NUFIP1: variants seen among roughly 807,000 people sequenced by gnomAD.
NUFIP1 encodes FMR1-interacting protein NUFIP1.
A neutral mutation model predicts 56.2 loss-of-function variants in NUFIP1; 38 were observed. That is an observed-to-expected ratio of 0.68 (90% CI 0.52 to 0.89). The LOEUF (loss-of-function observed/expected upper bound fraction) is 0.89. NUFIP1 is among the 40% of genes least tolerant of loss of function. NUFIP1 has a pLI of 0.00. For synonymous variants in NUFIP1, 215 were observed against 212.4 expected, an observed-to-expected ratio of 1.01 and a Z score of -0.10; for missense variants, 567 against 605.8, an observed-to-expected ratio of 0.94 and a Z score of 0.67.
At chr13:44,960,861 G>A (rs761873702) in intron 6 of NUFIP1, among the ~76,000 whole-genome samples, 7 of 151,924 alleles carry the variant, frequency 4.6e-5, no homozygotes, top group Non-Finnish European at 7.4e-5. Flanking sequence ...TCAGGAGTTC[G>A]AAACCATCCT....
intron 1 of NUFIP1, among the ~76,000 whole-genome samples, chr13:44,984,064 C>A (rs549476594): frequency 6.6e-6 from 1 of 152,264 alleles, no homozygotes; most frequent in South Asian, 2.1e-4. Flanking sequence ...CCTACCCTTC[C>A]CCATACCTTT....
At chr13:44,975,816 A>G (rs1478273575) in intron 5 of NUFIP1, among the ~76,000 whole-genome samples, 1 of 152,228 alleles carries the variant, frequency 6.6e-6, no homozygotes. Flanking sequence ...AAAAGAGTAA[A>G]GTTGGTTACC....
In NUFIP1 at chr13:44,988,730, AC is replaced by A. The variant is rs538434639; in HGVS notation, c.412+294del. Reference sequence around the variant, plus strand: ...CATTCTAGTCAGACATATTTTGAGAACAAAGGATTTACAATATTATATAAAC... The same window carrying A: ...CATTCTAGTCAGACATATTTTGAGAAAAAGGATTTACAATATTATATAAAC... On this transcript the variant is annotated intron_variant, in intron 1 of 9. Transcript: ENST00000379161. Among the ~76,000 whole-genome samples the A allele has an allele frequency of 2.6e-5, 4 of 152,352 alleles. No homozygotes were observed. In the East Asian group the frequency reaches 7.7e-4, roughly 29 times the overall value.
chr13:44,942,963 C>G (rs1335533819), intron 9 of NUFIP1, among the ~76,000 whole-genome samples: 9 of 138,252 alleles, frequency 6.5e-5, no homozygotes, highest in Non-Finnish European at 1.1e-4. Context: ...AAGACCTCAA[C>G]TCTTAAAAAA....
At chr13:44,967,999 C>A (rs1750788616) in intron 5 of NUFIP1, among the ~76,000 whole-genome samples, 1 of 151,624 alleles carries the variant, frequency 6.6e-6, no homozygotes, top group Non-Finnish European at 1.5e-5. Flanking sequence ...TTGAATAGCA[C>A]AGACAATATA....
intron 6 of NUFIP1, among the ~76,000 whole-genome samples, chr13:44,963,839 T>C (rs1871505649): frequency 6.6e-6 from 1 of 152,242 alleles, no homozygotes; most frequent in Admixed American, 6.5e-5. Flanking sequence ...TAAAGCTATG[T>C]TCTAGACACA....
rs1872093443 is a variant in NUFIP1, at chr13:44,979,176, T to C, written c.734+14A>G. The C allele has an allele frequency of 1.9e-6, 3 of 1,598,792 alleles. No homozygotes were observed. Among genetic ancestry groups the C allele is most frequent in the Non-Finnish European group, 2.6e-6 (3 of 1,168,718 alleles). ...AGTAAAACAGTTATTTCACCAGTTC[T>C]GAACTCTACTCACTTCCTTCTTTCT... is the stretch of plus-strand genomic sequence containing the variant. On this transcript the variant is annotated intron_variant, in intron 5 of 9. Transcript: ENST00000379161.
chr13:44,979,737 T>C (rs538092865), intron 4 of NUFIP1, among the ~76,000 whole-genome samples, 153 bp downstream of exon 4: 147 of 152,208 alleles, frequency 9.7e-4, no homozygotes, highest in Non-Finnish European at 1.9e-3. Context: ...CATAGTTGTT[T>C]GTGAGGAAAA....
At chr13:44,975,173 G>C (rs1871928384) in intron 5 of NUFIP1, among the ~76,000 whole-genome samples, 1 of 151,990 alleles carries the variant, frequency 6.6e-6, no homozygotes, top group African/African-American at 2.4e-5. Context: ...AAGGGCTCAA[G>C]GTTCAATATT....
At chr13:44,979,603 T>C (rs1231901899) in intron 4 of NUFIP1, among the ~76,000 whole-genome samples, 1 of 152,196 alleles carries the variant, frequency 6.6e-6, no homozygotes, top group Admixed American at 6.5e-5. Flanking sequence ...TGACAATCTG[T>C]AGCAGCATGG....
intron 5 of NUFIP1, among the ~76,000 whole-genome samples, chr13:44,970,108 A>T (rs903904102): frequency 2.6e-5 from 4 of 152,220 alleles, no homozygotes; most frequent in Admixed American, 6.5e-5. Flanking sequence ...CTGTTTCTAT[A>T]ATAAAAGCAA....
intron 1 of NUFIP1, 131 bp from the exon 2 acceptor site, chr13:44,982,285 C>A (rs1251817190): frequency 3.3e-5 from 13 of 391,570 alleles, no homozygotes; most frequent in Non-Finnish European, 4.4e-5. Context: ...AGGAAGAATA[C>A]TAGTTCAAAC....
At chr13:44,964,595 G>C (rs1266968279) in intron 6 of NUFIP1, among the ~76,000 whole-genome samples, 16 of 152,296 alleles carry the variant, frequency 1.1e-4, no homozygotes, top group Admixed American at 1.0e-3. Flanking sequence ...GCTTCAGGAT[G>C]TACCTGAGAG....
At chr13:44,941,575 G>A (rs977852871) in intron 9 of NUFIP1, among the ~76,000 whole-genome samples, 2 of 152,096 alleles carry the variant, frequency 1.3e-5, no homozygotes, top group South Asian at 2.1e-4. Context: ...GTGCAGTGGC[G>A]GGATCTCAGC....
chr13:44,949,197 G>GTTT (rs1285558068), intron 8 of NUFIP1, among the ~76,000 whole-genome samples: 5 of 81,936 alleles, frequency 6.1e-5, no homozygotes, highest in African/African-American at 1.9e-4. Context: ...TCATTATATT[G>GTTT]TATTTTTTTT....
rs1438494952 is a variant in NUFIP1 at position 44,939,589 on chromosome 13, C to T, written c.*1617G>A. ...CCATATAATTCCATAAAGTAGAAACCATACAGGCTATATTATATCTCCTTA... is the reference window on the plus strand; with the variant it reads ...CCATATAATTCCATAAAGTAGAAACTATACAGGCTATATTATATCTCCTTA... On this transcript the variant is annotated 3_prime_UTR_variant, in exon 10 of 10. Coordinates refer to ENST00000379161, the MANE Select transcript of NUFIP1 (RefSeq NM_012345.3). 3 of 152,060 alleles carry T rather than the reference C, an allele frequency of 2.0e-5. No individual in the cohort carries two copies. Among genetic ancestry groups the T allele is most frequent in the African/African-American group, 4.8e-5 (2 of 41,408 alleles). 9.4% of individuals were successfully genotyped at this position (152,060 alleles called of 1,614,324 possible).
chr13:44,954,506 G>A (rs961654094), intron 7 of NUFIP1, among the ~76,000 whole-genome samples: 14 of 152,308 alleles, frequency 9.2e-5, no homozygotes, highest in African/African-American at 3.4e-4. Context: ...AAGGAAAGTA[G>A]CAAAATAACA....
chr13:44,988,999 T>C, intron 1 of NUFIP1, 26 bp downstream of exon 1: 2 of 1,610,440 alleles, frequency 1.2e-6, no homozygotes, highest in Non-Finnish European at 1.7e-6. Flanking sequence ...GGTAAAGGGG[T>C]CGACTCACGT....
intron 1 of NUFIP1, among the ~76,000 whole-genome samples, chr13:44,986,905 T>C (rs1450274224): frequency 6.6e-6 from 1 of 152,134 alleles, no homozygotes. Flanking sequence ...TAAAGTAGCC[T>C]CGACTTCCTG....
Sources: allele counts gnomAD v4.1 joint callset (sites outside exome capture counted in the v4.1 genomes callset), GRCh38; gene constraint gnomAD v4.1.1; transcripts MANE v1.5; gene names NCBI Gene and HGNC (gene_info 2026-07-23, HGNC 2026-07-21).